MCTP2: variants seen among roughly 807,000 people sequenced by gnomAD.
MCTP2 encodes the protein multiple C2 and transmembrane domain-containing protein 2.
MCTP2 carries 132 observed loss-of-function variants against 111.6 expected under a neutral mutation model. The ratio of observed to expected loss-of-function variants is 1.18; its 90% CI spans 1.03 to 1.37. The LOEUF (loss-of-function observed/expected upper bound fraction) is 1.37. MCTP2 is among the 40% of genes most tolerant of loss of function. The pLI, the probability that MCTP2 is intolerant of heterozygous loss-of-function variation, is 0.00. For missense variants in MCTP2, 1,183 were observed against 1,067.9 expected (o/e 1.11, Z -1.50); for synonymous variants, 395 against 387.7 (o/e 1.02, Z -0.22).
intron 17 of MCTP2, among the ~76,000 whole-genome samples, chr15:94,437,332 AAAAAAG>A (rs2083535915): frequency 6.6e-6 from 1 of 151,950 alleles, no homozygotes; most frequent in African/African-American, 2.4e-5. Flanking sequence ...GTGAATATAT[AAAAAAG>A]AAAGAATGTG....
At chr15:94,445,021 GGTCTAGTCTACCA>G (rs1192859896) in intron 19 of MCTP2, among the ~76,000 whole-genome samples, 1 of 152,198 alleles carries the variant, frequency 6.6e-6, no homozygotes, top group African/African-American at 2.4e-5. Flanking sequence ...TGGTTGTCAA[GGTCTAGTCTACCA>G]CTGATGTACT....
At chr15:94,391,413 T>TA (rs34219854) in intron 14 of MCTP2, among the ~76,000 whole-genome samples, 1 of 152,276 alleles carries the variant, frequency 6.6e-6, no homozygotes, top group South Asian at 2.1e-4. Context: ...AATTAAGCTT[T>TA]AAAAAAAGTA....
intron 3 of MCTP2, chr15:94,315,010 C>T (rs371582990): frequency 7.2e-5 from 23 of 317,654 alleles, no homozygotes; most frequent in African/African-American, 3.9e-4. Flanking sequence ...GACATGTGGG[C>T]TTGTGGGGGC....
chr15:94,377,310 C>A (rs189400487), intron 12 of MCTP2, among the ~76,000 whole-genome samples: 1 of 152,168 alleles, frequency 6.6e-6, no homozygotes, highest in Non-Finnish European at 1.5e-5. Context: ...CGTGATTGAA[C>A]GTTTTTAATT....
chr15:94,301,833 C>CTTT lies in MCTP2; in HGVS notation c.465+3117_465+3119dup, dbSNP rs59217006. Among the ~76,000 whole-genome samples, 113 of 129,192 alleles carry CTTT rather than the reference C, an allele frequency of 8.7e-4. 1 individual carries two copies. Among genetic ancestry groups the CTTT allele is most frequent in the African/African-American group, 2.9e-3 (104 of 35,924 alleles). The allele number at this position is 129,192 out of a possible 152,430, so 84.8% of individuals were successfully genotyped here. On this transcript the variant is annotated intron_variant, in intron 2 of 22. Transcript: ENST00000357742. ...TTTAACTCTGAATTTATCATTTCTG[C>CTTT]TTTTTTTTTTTTTTTTAAACAAAGG...
rs759402488 is a variant in MCTP2 at position 94,385,542 on chromosome 15, AAT to A, written c.1788+19_1788+20del. The A allele has an allele frequency of 6.5e-7, 1 of 1,535,892 alleles. No individual in the cohort carries two copies. The highest frequency in any genetic ancestry group is 2.3e-5 in the East Asian group (1 of 44,412). On this transcript the variant is annotated intron_variant, in intron 14 of 22. Coordinates refer to ENST00000357742, the MANE Select transcript of MCTP2 (RefSeq NM_001385001.1). ...TTGCTGTCCGTAAGTTTCCTTTATT[AAT>A]AAACAATTTGTGAGTCATTTTATAG...
chr15:94,289,448 C>G (rs768605298), intron 1 of MCTP2, among the ~76,000 whole-genome samples: 3 of 151,906 alleles, frequency 2.0e-5, no homozygotes, highest in African/African-American at 2.4e-5. Context: ...AGGCAGCAGA[C>G]CTGACACAAA....
In MCTP2 at chr15:94,305,792, A is replaced by G. The variant is rs115778827; in HGVS notation, c.465+7062A>G. 9.5e-3 allele frequency among the ~76,000 whole-genome samples: 1,441 copies of G among 152,272 alleles called. 32 individuals carry two copies. Among genetic ancestry groups the G allele is most frequent in the African/African-American group, 0.033 (1,350 of 41,532 alleles). ...CGCTACGTGGGTAGGGCCCTAAAGA[A>G]AGGAGTTTCTAAGCATCAGATGAAA... On this transcript the variant is annotated intron_variant, in intron 2 of 22. Transcript: ENST00000357742.
chr15:94,258,722 C>T (rs371970694), intron 1 of MCTP2, among the ~76,000 whole-genome samples: 1 of 152,144 alleles, frequency 6.6e-6, no homozygotes, highest in African/African-American at 2.4e-5. Context: ...CCTGATTCTT[C>T]TTTCTAAAAG....
chr15:94,475,984 C>T (rs548502305), intron 21 of MCTP2, among the ~76,000 whole-genome samples: 5 of 152,286 alleles, frequency 3.3e-5, no homozygotes, highest in African/African-American at 4.8e-5. Flanking sequence ...ACCCACGCAC[C>T]GACGTTGTGA....
At position 94,458,839 on chromosome 15, in the gene MCTP2, T is replaced by C. The variant is rs577248955; in HGVS notation, c.2360+593T>C. 1.8e-4 allele frequency among the ~76,000 whole-genome samples: 27 copies of C among 152,338 alleles called. No homozygotes were observed. In the South Asian group the frequency reaches 5.4e-3, roughly 30 times the overall value. On this transcript the variant is annotated intron_variant, in intron 20 of 22. Transcript: ENST00000357742. ...TGACTACTCAACTCTGTTGTTAAAG[T>C]GTAAAAGGAGTAACAGTTAATATGT...
intron 1 of MCTP2, among the ~76,000 whole-genome samples, chr15:94,252,185 A>G (rs1218853821): frequency 6.6e-6 from 1 of 152,150 alleles, no homozygotes; most frequent in East Asian, 1.9e-4. Context: ...TTCTTGAAGA[A>G]CTGCTACATC....
At chr15:94,422,915 C>T (rs554976348) in intron 17 of MCTP2, among the ~76,000 whole-genome samples, 1 of 152,274 alleles carries the variant, frequency 6.6e-6, no homozygotes, top group Admixed American at 6.5e-5. Context: ...AGGCTGGCCT[C>T]TAACTCCAGG....
At chr15:94,307,275 G>A (rs1424836238) in intron 2 of MCTP2, among the ~76,000 whole-genome samples, 2 of 152,178 alleles carry the variant, frequency 1.3e-5, no homozygotes, top group African/African-American at 4.8e-5. Context: ...AGGTGCTGGG[G>A]GGGAGGTGTT....
chr15:94,256,666 C>T (rs577207252), intron 1 of MCTP2, among the ~76,000 whole-genome samples: 3 of 152,156 alleles, frequency 2.0e-5, no homozygotes, highest in Non-Finnish European at 2.9e-5. Context: ...AAGTAAGGGA[C>T]CTTTCTGAAA....
At chr15:94,296,869 A>G (rs375959595) in intron 1 of MCTP2, among the ~76,000 whole-genome samples, 1 of 152,144 alleles carries the variant, frequency 6.6e-6, no homozygotes, top group African/African-American at 2.4e-5. Flanking sequence ...ATCCTGGGAG[A>G]AGCTCTTGTC....
At chr15:94,245,083 TAC>T in intron 1 of MCTP2, among the ~76,000 whole-genome samples, 1 of 150,088 alleles carries the variant, frequency 6.7e-6, no homozygotes, top group East Asian at 2.0e-4. Flanking sequence ...CGTATATGTA[TAC>T]ACATACATAT....
chr15:94,425,766 TGTTGA>T (rs1481729847), intron 17 of MCTP2, among the ~76,000 whole-genome samples: 2 of 152,106 alleles, frequency 1.3e-5, no homozygotes, highest in Non-Finnish European at 2.9e-5. Flanking sequence ...AAACTTAAAA[TGTTGA>T]AACTACATGA....
chr15:94,263,522 C>T (rs562468787), intron 1 of MCTP2, among the ~76,000 whole-genome samples: 9 of 152,288 alleles, frequency 5.9e-5, no homozygotes, highest in African/African-American at 1.7e-4. Context: ...GACTTACGCC[C>T]GAATGAAGTT....
Sources: gnomAD v4.1 joint callset for allele counts (sites outside exome capture counted in the v4.1 genomes callset) on GRCh38, gnomAD v4.1.1 for gene constraint, MANE v1.5 for transcripts, NCBI Gene and HGNC (gene_info 2026-07-23, HGNC 2026-07-21) for gene names.